Variants in ZNF674 observed in about 807,000 individuals in gnomAD.
ZNF674 encodes the protein zinc finger family member 674.
Under a neutral mutation model 7.0 loss-of-function variants are expected in ZNF674, and 2 were observed. The ratio of observed to expected loss-of-function variants is 0.29; its 90% CI spans 0.12 to 0.90. ZNF674 has a LOEUF of 0.90. ZNF674 is among the 40% of genes least tolerant of loss of function. The pLI is 0.57. For missense variants in ZNF674, 297 were observed against 415.5 expected, an observed-to-expected ratio of 0.71 and a Z score of 2.48; for synonymous variants, 103 against 145.2, an observed-to-expected ratio of 0.71 and a Z score of 2.09.
intron 5 of ZNF674, chrX:46,525,265 C>T: frequency 4.7e-6 from 1 of 214,071 alleles, no homozygotes; most frequent in Non-Finnish European, 8.7e-6. Flanking sequence ...GTCATTCTCA[C>T]TATGCCTATT....
In ZNF674 at chrX:46,499,666, C is replaced by A. The variant is rs1028013799; in HGVS notation, c.*177G>T. On this transcript the variant is annotated 3_prime_UTR_variant, in exon 6 of 6. Coordinates refer to ENST00000683375, the MANE Select transcript of ZNF674 (RefSeq NM_001190417.2). ...AAAAACTGATCACATTTATTGACAC[C>A]TCTGGAATTATACTTTTGTACTTTG... 24 of 375,390 alleles carry A rather than the reference C, an allele frequency of 6.4e-5. No individual in the cohort carries two copies. The highest frequency in any genetic ancestry group is 1.3e-5 in the Non-Finnish European group (3 of 230,199). The allele number at this position is 375,390 out of a possible 1,213,427, so 30.9% of individuals were successfully genotyped here.
chrX:46,514,161 C>T (rs187079250), intron 5 of ZNF674, among the ~76,000 whole-genome samples: 13 of 111,724 alleles, frequency 1.2e-4, no homozygotes, highest in Admixed American at 7.6e-4. Context: ...TGGAAAGCTG[C>T]GGCATTTTCT....
intron 5 of ZNF674, among the ~76,000 whole-genome samples, chrX:46,510,352 C>T (rs1462012614): frequency 2.7e-5 from 3 of 111,404 alleles, no homozygotes; most frequent in Non-Finnish European, 5.7e-5. Flanking sequence ...GAGTTTAGCA[C>T]AGGAACACAA....
chrX:46,539,972 C>T (rs1416240550), intron 3 of ZNF674, among the ~76,000 whole-genome samples: 12 of 112,002 alleles, frequency 1.1e-4, no homozygotes, highest in African/African-American at 3.9e-4. Flanking sequence ...TGGCCGGGTG[C>T]GGGGGCTCAC....
intron 5 of ZNF674, chrX:46,517,838 C>T (rs914491618): frequency 3.6e-5 from 4 of 111,119 alleles, no homozygotes; most frequent in South Asian, 3.7e-4. Context: ...GTAAGGATGA[C>T]GTGCAAATTT....
At position 46,500,041 on chromosome X, in the gene ZNF674, CTGA is replaced by C. The variant is rs1197523747; in HGVS notation, c.1530_1532del (p.His510del). ...AAGGTTTTTCTCCTGTATGAATTCT[CTGA>C]TGTTTGATGAGAGTTGACTTCCTAC... On this transcript the variant is annotated inframe_deletion, in exon 6 of 6. Transcript: ENST00000683375. 3 of 1,209,387 alleles carry C rather than the reference CTGA, an allele frequency of 2.5e-6. No individual in the cohort carries two copies. In the African/African-American group the frequency reaches 5.2e-5, roughly 21 times the overall value.
chrX:46,522,516 T>C (rs1371567051), intron 5 of ZNF674, among the ~76,000 whole-genome samples: 4 of 110,791 alleles, frequency 3.6e-5, no homozygotes, highest in Non-Finnish European at 7.6e-5. Context: ...AAAACAAGAA[T>C]AGCTGAGCAC....
At chrX:46,521,241 A>G in intron 5 of ZNF674, among the ~76,000 whole-genome samples, 1 of 108,716 alleles carries the variant, frequency 9.2e-6, no homozygotes. Flanking sequence ...TAACAAAGGG[A>G]CAGTATGCTT....
intron 5 of ZNF674, among the ~76,000 whole-genome samples, chrX:46,516,563 C>T (rs1219499581): frequency 4.4e-5 from 5 of 112,475 alleles, no homozygotes; most frequent in Admixed American, 9.5e-5. Context: ...TGCACAAAGA[C>T]TGAACCCACC....
chrX:46,513,840 C>A (rs1370258087), intron 5 of ZNF674, among the ~76,000 whole-genome samples: 1 of 111,210 alleles, frequency 9.0e-6, no homozygotes, highest in African/African-American at 3.3e-5. Flanking sequence ...TGGAGGCAGG[C>A]AGATCACTTG....
chrX:46,539,432 C>T (rs1942253962), intron 3 of ZNF674, among the ~76,000 whole-genome samples: 1 of 112,497 alleles, frequency 8.9e-6, no homozygotes, highest in Admixed American at 9.4e-5. Context: ...AGAAATCTCA[C>T]ATCTGACATA....
Position 46,528,460 on chromosome X carries a change from T to C in ZNF674, c.143-15A>G, listed in dbSNP as rs756755040. 2.5e-6 allele frequency: 3 copies of C among 1,197,375 alleles called. No homozygotes were observed. Among genetic ancestry groups the C allele is most frequent in the Middle Eastern group, 2.3e-4 (1 of 4,320 alleles). The stretch of plus-strand genomic sequence containing the variant: ...AACTAGATGCCCTGTTTAGGGGACA[T>C]GACATAGGACTTTGTTATTAATGCT... On this transcript the variant is annotated splice_polypyrimidine_tract_variant and intron_variant, in intron 4 of 5. Transcript: ENST00000683375.
chrX:46,528,798 G>A lies in ZNF674; in HGVS notation c.127C>T (p.His43Tyr), dbSNP rs757924595. ...GGTCCCTCACCCACGGACACCAGGT[G>A]GCTGTAGTTCTCAAGCATGACATCC... ...YRDVMLENYS[H>Y]LVSVGHLVGK... Residue 43 changes from histidine to tyrosine, a missense_variant, in exon 4 of 6, where the codon CAC (histidine) becomes TAC (tyrosine). His to Tyr is a moderately conservative substitution (Grantham distance 83). Transcript: ENST00000683375. 8.3e-7 allele frequency: 1 copy of A among 1,211,917 alleles called. No individual in the cohort carries two copies. The highest frequency in any genetic ancestry group is 1.8e-5 in the South Asian group (1 of 56,981).
Position 46,503,710 on chromosome X carries a change from G to C in ZNF674, c.239-2375C>G, listed in dbSNP as rs145096764. Among the ~76,000 whole-genome samples the C allele has an allele frequency of 3.6e-5, 4 of 111,709 alleles. No individual in the cohort carries two copies. In the East Asian group the frequency reaches 8.4e-4, roughly 23 times the overall value. On this transcript the variant is annotated intron_variant, in intron 5 of 5. Coordinates refer to ENST00000683375, the MANE Select transcript of ZNF674 (RefSeq NM_001190417.2). ...ATAATGCTTATATGCCAAAAGCAAAGAAGGATAAAAGACGAGAATATTATA... is the reference window on the plus strand; with the variant it reads ...ATAATGCTTATATGCCAAAAGCAAACAAGGATAAAAGACGAGAATATTATA...
intron 5 of ZNF674, among the ~76,000 whole-genome samples, chrX:46,519,766 C>T (rs2146602976): frequency 9.0e-6 from 1 of 111,393 alleles, no homozygotes; most frequent in East Asian, 2.8e-4. Flanking sequence ...GAAATAAAAA[C>T]TTATTACAAA....
At chrX:46,537,827 G>A (rs577769573) in intron 3 of ZNF674, among the ~76,000 whole-genome samples, 4 of 112,081 alleles carry the variant, frequency 3.6e-5, no homozygotes, top group African/African-American at 1.3e-4. Context: ...GGTGGCTCAC[G>A]CCTGTAATCC....
chrX:46,500,126 T>C lies in ZNF674; in HGVS notation c.1448A>G (p.Gln483Arg). The C allele has an allele frequency of 8.2e-7, 1 of 1,212,197 alleles. No homozygotes were observed. Among genetic ancestry groups the C allele is most frequent in the Non-Finnish European group, 1.1e-6 (1 of 895,614 alleles). Residue 483 changes from glutamine (Q) to arginine (R), a missense_variant, in exon 6 of 6, where the codon CAG becomes CGG. By Grantham distance (43) the Gln-to-Arg change is conservative. Transcript: ENST00000683375. ...GGGTCTCTCTCCTGTATGAATTCTC[T>C]GATGTTTAATCAGTGGTGACTTCTC... ...FSEKSPLIKH[Q>R]RIHTGERPYE...
chrX:46,537,096 C>A (rs1053510601), intron 3 of ZNF674, among the ~76,000 whole-genome samples: 2 of 111,313 alleles, frequency 1.8e-5, no homozygotes, highest in Non-Finnish European at 3.8e-5. Context: ...CATGGCAAAA[C>A]CCCATCTCTA....
chrX:46,534,860 C>T (rs1407285594), intron 3 of ZNF674, among the ~76,000 whole-genome samples: 37 of 109,489 alleles, frequency 3.4e-4, no homozygotes, highest in African/African-American at 1.2e-3. Flanking sequence ...CCTGCCTCAG[C>T]CTCCCAAGTA....
Sources: allele counts gnomAD v4.1 joint callset (sites outside exome capture counted in the v4.1 genomes callset), GRCh38; gene constraint gnomAD v4.1.1; transcripts MANE v1.5; gene names NCBI Gene and HGNC (gene_info 2026-07-23, HGNC 2026-07-21).